Variants in EYS observed in about 807,000 individuals in gnomAD.
The protein encoded by EYS is protein eyes shut homolog.
EYS carries 250 observed loss-of-function variants against 282.1 expected under a neutral mutation model. The ratio of observed to expected loss-of-function variants is 0.89; its 90% CI spans 0.80 to 0.98. The LOEUF (loss-of-function observed/expected upper bound fraction) is 0.98, where lower values mean the gene tolerates loss of function less well. Ranked by LOEUF, EYS falls within the 50% of genes least tolerant of loss-of-function variation. EYS has a pLI of 0.00. For synonymous variants in EYS, 1,355 were observed against 1,282.9 expected, an observed-to-expected ratio of 1.06 and a Z score of -1.20; for missense variants, 4,016 against 3,709.0, an observed-to-expected ratio of 1.08 and a Z score of -2.15.
chr6:65,223,325 C>A (rs749841967), intron 12 of EYS, among the ~76,000 whole-genome samples: 1 of 152,116 alleles, frequency 6.6e-6, no homozygotes, highest in Non-Finnish European at 1.5e-5. Flanking sequence ...CGAGATCATG[C>A]CATTGCACTC....
intron 5 of EYS, among the ~76,000 whole-genome samples, chr6:65,464,029 C>A (rs1764909456): frequency 6.6e-6 from 1 of 151,962 alleles, no homozygotes; most frequent in Admixed American, 6.6e-5. Context: ...AAAGAAAAAT[C>A]TACCTATTTT....
intron 22 of EYS, among the ~76,000 whole-genome samples, chr6:64,799,365 A>T (rs1193795653): frequency 6.6e-6 from 1 of 151,852 alleles, no homozygotes; most frequent in African/African-American, 2.4e-5. Context: ...AATCTCTCAA[A>T]ATATAGTAGG....
chr6:64,505,731 C>A (rs1000123427), intron 26 of EYS, among the ~76,000 whole-genome samples: 7 of 152,168 alleles, frequency 4.6e-5, no homozygotes, highest in Non-Finnish European at 7.3e-5. Context: ...TCTGGGATTT[C>A]TTCCCAACTT....
At chr6:64,807,836 A>C (rs1035851912) in intron 22 of EYS, among the ~76,000 whole-genome samples, 15 of 152,110 alleles carry the variant, frequency 9.9e-5, no homozygotes, top group African/African-American at 2.4e-4. Context: ...TGAAATAGTT[A>C]ACTTTTATTT....
rs540318985 is a variant in EYS, at chr6:65,220,428, G to A, written c.2023+75435C>T. On this transcript the variant is annotated intron_variant, in intron 12 of 42. Transcript: ENST00000503581. ...TCTCATGATAGTGAATAAGCCTCAT[G>A]AGATTTGATAGTTTATAAAGAAAAA... Among the ~76,000 whole-genome samples the A allele has an allele frequency of 3.3e-5, 5 of 152,240 alleles. No individual in the cohort carries two copies. The East Asian group carries it at 9.7e-4, about 29-fold the overall frequency.
At chr6:63,838,808 CTCTA>C (rs1771875494) in intron 36 of EYS, among the ~76,000 whole-genome samples, 1 of 152,110 alleles carries the variant, frequency 6.6e-6, no homozygotes, top group Non-Finnish European at 1.5e-5. Context: ...TCCCTTTCTT[CTCTA>C]TCTAAATTCT....
chr6:64,095,931 C>G (rs1772592819), intron 31 of EYS, among the ~76,000 whole-genome samples: 1 of 152,168 alleles, frequency 6.6e-6, no homozygotes, highest in Non-Finnish European at 1.5e-5. Context: ...CCTTCAGGAG[C>G]TCTTTTAGAG....
chr6:64,741,080 G>T (rs774328163), intron 22 of EYS, among the ~76,000 whole-genome samples: 8 of 152,088 alleles, frequency 5.3e-5, no homozygotes, highest in Non-Finnish European at 1.2e-4. Context: ...ACTTTGTCTA[G>T]ATCTACCAGA....
intron 31 of EYS, among the ~76,000 whole-genome samples, chr6:64,187,623 C>A (rs1240773446): frequency 6.6e-6 from 1 of 152,044 alleles, no homozygotes; most frequent in East Asian, 1.9e-4. Flanking sequence ...ACCTACCCAA[C>A]AGAATAGTAA....
intron 13 of EYS, among the ~76,000 whole-genome samples, chr6:64,999,941 G>C (rs1482462273): frequency 6.6e-6 from 1 of 152,136 alleles, no homozygotes; most frequent in African/African-American, 2.4e-5. Context: ...CCAAGTCCAG[G>C]TGTGATCTGA....
At chr6:63,835,284 C>A (rs919672351) in intron 36 of EYS, among the ~76,000 whole-genome samples, 34 of 150,654 alleles carry the variant, frequency 2.3e-4, no homozygotes, top group Admixed American at 2.2e-3. Context: ...TATATACTCT[C>A]TATATACTAT....
intron 31 of EYS, among the ~76,000 whole-genome samples, chr6:64,148,552 C>G (rs1283670233): frequency 3.3e-5 from 5 of 152,152 alleles, no homozygotes; most frequent in Non-Finnish European, 7.3e-5. Flanking sequence ...TACAGTGAAT[C>G]AATCAAATAT....
intron 35 of EYS, among the ~76,000 whole-genome samples, chr6:63,887,477 G>T (rs11755149): frequency 0.12 from 17,805 of 151,918 alleles, 1,272 homozygotes; most frequent in African/African-American, 0.19. Flanking sequence ...CGTTGGGACT[G>T]GTTAGACAAT....
intron 2 of EYS, among the ~76,000 whole-genome samples, chr6:65,597,171 C>A (rs1001540608): frequency 6.6e-6 from 1 of 151,958 alleles, no homozygotes; most frequent in African/African-American, 2.4e-5. Flanking sequence ...GAAAAAAATG[C>A]TGGTTAGACA....
Position 64,578,841 on chromosome 6 carries a change from G to A in EYS, c.5644+11382C>T, listed in dbSNP as rs538014693. On this transcript the variant is annotated intron_variant, in intron 26 of 42. Transcript: ENST00000503581. ...ATGATAATCACTATTACACTTAGGC[G>A]ATAACACTGTTGAGGGGTTTAAGTA... Among the ~76,000 whole-genome samples, 489 of 152,128 alleles carry A rather than the reference G, an allele frequency of 3.2e-3. 3 individuals carry two copies. Among genetic ancestry groups the A allele is most frequent in the Non-Finnish European group, 3.7e-3 (253 of 67,994 alleles).
At chr6:64,652,722 C>T (rs549885469) in intron 22 of EYS, among the ~76,000 whole-genome samples, 3 of 152,132 alleles carry the variant, frequency 2.0e-5, no homozygotes, top group African/African-American at 7.2e-5. Context: ...TTCATGAAAT[C>T]GTCATTTATG....
chr6:64,882,343 A>C (rs1247427550), intron 19 of EYS, among the ~76,000 whole-genome samples: 2 of 151,756 alleles, frequency 1.3e-5, no homozygotes, highest in Non-Finnish European at 3.0e-5. Flanking sequence ...TTACCCATAC[A>C]TTATATGGAA....
chr6:64,147,890 G>C (rs538954235), intron 31 of EYS, among the ~76,000 whole-genome samples: 3 of 152,268 alleles, frequency 2.0e-5, no homozygotes, highest in African/African-American at 4.8e-5. Context: ...GGTGGACTTT[G>C]CATGTATGAA....
intron 8 of EYS, among the ~76,000 whole-genome samples, chr6:65,357,891 A>G (rs555478407): frequency 2.0e-4 from 31 of 152,088 alleles, no homozygotes; most frequent in Middle Eastern, 3.4e-3. Flanking sequence ...AACTTAAATA[A>G]AAAGACAATT....
Sources: allele counts gnomAD v4.1 joint callset (sites outside exome capture counted in the v4.1 genomes callset), GRCh38; gene constraint gnomAD v4.1.1; transcripts MANE v1.5; gene names NCBI Gene and HGNC (gene_info 2026-07-23, HGNC 2026-07-21).